The following RAB39A variants were observed in gnomAD, a reference collection of about 807,000 sequenced individuals.
RAB39A encodes ras-related protein Rab-39A.
Under a neutral mutation model 20.9 loss-of-function variants are expected in RAB39A, and 17 were observed. The observed-to-expected ratio is 0.81, with a 90% CI of 0.56 to 1.22. The LOEUF (loss-of-function observed/expected upper bound fraction) is 1.22, where lower values mean the gene tolerates loss of function less well. Ranked by LOEUF, RAB39A falls within the 50% of genes most tolerant of loss-of-function variation. RAB39A has a pLI of 0.00. For synonymous variants in RAB39A, 99 were observed against 103.4 expected, an observed-to-expected ratio of 0.96 and a Z score of 0.26; for missense variants, 234 against 270.5, an observed-to-expected ratio of 0.87 and a Z score of 0.95.
intron 1 of RAB39A, among the ~76,000 whole-genome samples, chr11:107,931,550 A>C (rs1031366219): frequency 6.6e-6 from 1 of 152,208 alleles, no homozygotes; most frequent in Non-Finnish European, 1.5e-5. Context: ...AATTACTATT[A>C]AATCATTCTG....
chr11:107,946,460 A>ATAT (rs1861319013), intron 1 of RAB39A, among the ~76,000 whole-genome samples: 41 of 15,766 alleles, frequency 2.6e-3, no homozygotes, highest in Non-Finnish European at 3.8e-3. Context: ...ATATATATAT[A>ATAT]TTTTTTTTTT....
chr11:107,954,839 G>C (rs1861416906), intron 1 of RAB39A, among the ~76,000 whole-genome samples: 1 of 152,038 alleles, frequency 6.6e-6, no homozygotes. Context: ...CTCCAGCCTG[G>C]TGAATCAGAA....
At position 107,928,803 on chromosome 11, in the gene RAB39A, C is replaced by G; in HGVS notation, c.227+8C>G. 6.6e-7 allele frequency: 1 copy of G among 1,519,572 alleles called. No homozygotes were observed. The allele number at this position is 1,519,572 out of a possible 1,614,324, so 94.1% of individuals were successfully genotyped here. On this transcript the variant is annotated splice_region_variant and intron_variant, in intron 1 of 1. Coordinates refer to ENST00000320578, the MANE Select transcript of RAB39A (RefSeq NM_017516.3). The surrounding 1 kb of genome is among the most constrained non-coding windows in gnomAD (Gnocchi z 4.9). ...GGGACAGGAGCGGTTCAGGTAGGGA[C>G]CCCGGGGACCTTGGGCACCGCGCCG...
At chr11:107,959,470 T>C (rs1318533372) in intron 1 of RAB39A, among the ~76,000 whole-genome samples, 1 of 152,208 alleles carries the variant, frequency 6.6e-6, no homozygotes, top group African/African-American at 2.4e-5. Flanking sequence ...CCAAAGATGG[T>C]GGGAGATTTT....
intron 1 of RAB39A, among the ~76,000 whole-genome samples, chr11:107,935,526 C>T (rs1001341033): frequency 6.6e-6 from 1 of 151,934 alleles, no homozygotes; most frequent in African/African-American, 2.4e-5. Context: ...AGGCGCCTGC[C>T]ACCATGCCCG....
At chr11:107,943,354 G>A (rs921402971) in intron 1 of RAB39A, among the ~76,000 whole-genome samples, 6 of 151,814 alleles carry the variant, frequency 4.0e-5, no homozygotes, top group Non-Finnish European at 5.9e-5. Flanking sequence ...GGCGGATCAC[G>A]AGGTCAGGAG....
chr11:107,943,170 A>G (rs1861276558), intron 1 of RAB39A, among the ~76,000 whole-genome samples: 1 of 152,218 alleles, frequency 6.6e-6, no homozygotes, highest in South Asian at 2.1e-4. Flanking sequence ...GGTATTGGGC[A>G]AAGCTGGGCA....
At chr11:107,945,680 TTGAG>T (rs772229420) in intron 1 of RAB39A, among the ~76,000 whole-genome samples, 1 of 152,166 alleles carries the variant, frequency 6.6e-6, no homozygotes, top group Non-Finnish European at 1.5e-5. Context: ...ATAAGGATCA[TTGAG>T]TGTCAGTCTG....
intron 1 of RAB39A, among the ~76,000 whole-genome samples, chr11:107,931,669 G>A (rs1861138319): frequency 6.6e-6 from 1 of 152,052 alleles, no homozygotes; most frequent in Non-Finnish European, 1.5e-5. Context: ...CCTGTCATTA[G>A]TCATAATCAT....
chr11:107,959,827 G>A (rs1356945648), intron 1 of RAB39A, among the ~76,000 whole-genome samples: 1 of 152,192 alleles, frequency 6.6e-6, no homozygotes, highest in African/African-American at 2.4e-5. Flanking sequence ...AGTCAGATGA[G>A]TTTGCTAAAA....
chr11:107,928,924 A>G lies in RAB39A; in HGVS notation c.227+129A>G, dbSNP rs1386749747. 1.8e-5 allele frequency: 11 copies of G among 617,034 alleles called. No homozygotes were observed. The Admixed American group carries it at 2.0e-4, about 11-fold the overall frequency. 38.2% of individuals were successfully genotyped at this position (617,034 alleles called of 1,614,324 possible). A position where few individuals can be genotyped will look rare whatever the true frequency, so the allele number is the denominator to read the frequency against. ...GCCCTTCCCTCTCGAAAGTGCAAAC[A>G]CTCCATTCTCGCTTCCCCTTTGCCC... On this transcript the variant is annotated intron_variant, in intron 1 of 1. Transcript: ENST00000320578. The surrounding 1 kb of genome is among the most constrained non-coding windows in gnomAD (Gnocchi z 4.9).
chr11:107,934,159 G>A (rs1861168554), intron 1 of RAB39A, among the ~76,000 whole-genome samples: 1 of 152,184 alleles, frequency 6.6e-6, no homozygotes, highest in South Asian at 2.1e-4. Context: ...TGGATGCGGT[G>A]AGTCACGTCT....
At position 107,928,849 on chromosome 11, in the gene RAB39A, G is replaced by A. The variant is rs1310163304; in HGVS notation, c.227+54G>A. 1.4e-6 allele frequency: 2 copies of A among 1,404,864 alleles called. No homozygotes were observed. Among genetic ancestry groups the A allele is most frequent in the Admixed American group, 2.4e-5 (1 of 41,154 alleles). The allele number at this position is 1,404,864 out of a possible 1,614,324, so 87.0% of individuals were successfully genotyped here. On this transcript the variant is annotated intron_variant, in intron 1 of 1. Transcript: ENST00000320578. This position sits in a 1 kb window ranked among gnomAD's most constrained non-coding sequence, Gnocchi z 4.9. ...CGCCGCCCCCTCAGCCCGCCCGGAC[G>A]CCCCTTCCCCAGGCGTCCGCCCCGC...
chr11:107,963,224 C>A lies in RAB39A; in HGVS notation c.*852C>A, dbSNP rs1255430298. ...TAGCTGGAACTGCAGATGTGCGCCA[C>A]CATGCCCGGCTAATTTTTGTATTAT... On this transcript the variant is annotated 3_prime_UTR_variant, in exon 2 of 2. Transcript: ENST00000320578. The A allele has an allele frequency of 2.0e-5, 3 of 152,076 alleles. No individual in the cohort carries two copies. The highest frequency in any genetic ancestry group is 6.6e-5 in the Admixed American group (1 of 15,244). The allele number at this position is 152,076 out of a possible 1,614,324, so 9.4% of individuals were successfully genotyped here.
In RAB39A at chr11:107,962,038, G is replaced by A; in HGVS notation, c.320G>A (p.Trp107Ter). 6.2e-7 allele frequency: 1 copy of A among 1,614,008 alleles called. No homozygotes were observed. Among genetic ancestry groups the A allele is most frequent in the Non-Finnish European group, 8.5e-7 (1 of 1,179,948 alleles). The part of the protein sequence containing the change: ...NRRSFEHVKD[W>*]LEEAKMYVQP... ...CGATCTTTTGAACATGTGAAAGATT[G>A]GCTAGAAGAAGCAAAAATGTATGTA... Residue 107 changes from tryptophan to a stop codon, truncating the protein, a stop_gained, in exon 2 of 2, where the codon TGG becomes TAG. Coordinates refer to ENST00000320578, the MANE Select transcript of RAB39A (RefSeq NM_017516.3). LOFTEE classifies it high-confidence loss of function.
At chr11:107,957,651 G>A (rs59575668) in intron 1 of RAB39A, among the ~76,000 whole-genome samples, 15,493 of 152,220 alleles carry the variant, frequency 0.1, 1,194 homozygotes, top group African/African-American at 0.22. Flanking sequence ...CTCTCCTCCA[G>A]AATTCACCTT....
chr11:107,935,474 A>G (rs1472396297), intron 1 of RAB39A, among the ~76,000 whole-genome samples: 1 of 150,720 alleles, frequency 6.6e-6, no homozygotes, highest in Non-Finnish European at 1.5e-5. Context: ...TCCCGGGTTC[A>G]CACCATTCTC....
intron 1 of RAB39A, among the ~76,000 whole-genome samples, chr11:107,949,879 G>T (rs1322017829): frequency 6.6e-6 from 1 of 151,988 alleles, no homozygotes; most frequent in Non-Finnish European, 1.5e-5. Context: ...TTTAGAAAAG[G>T]TGGATGATTT....
intron 1 of RAB39A, among the ~76,000 whole-genome samples, chr11:107,931,007 G>T (rs1275405594): frequency 7.0e-6 from 1 of 143,284 alleles, no homozygotes; most frequent in Admixed American, 7.1e-5. Flanking sequence ...ACGGAGTTTC[G>T]CTCTTGTGGC....
Sources: gnomAD v4.1 joint callset for allele counts (sites outside exome capture counted in the v4.1 genomes callset) on GRCh38, gnomAD v4.1.1 for gene constraint, Gnocchi (gnomAD v3.1) non-coding constraint, MANE v1.5 for transcripts, NCBI Gene and HGNC (gene_info 2026-07-23, HGNC 2026-07-21) for gene names.